B3GLCT: variants seen among roughly 807,000 people sequenced by gnomAD.
B3GLCT encodes beta-1,3-glucosyltransferase.
In B3GLCT, 65 loss-of-function variants were observed where a neutral mutation model predicts 63.4. That is an observed-to-expected ratio of 1.03 (90% CI 0.84 to 1.26). The LOEUF (loss-of-function observed/expected upper bound fraction) is 1.26, where lower values mean the gene tolerates loss of function less well. B3GLCT is among the 50% of genes most tolerant of loss of function. The pLI is 0.00. For missense variants in B3GLCT, 577 were observed against 604.8 expected, an observed-to-expected ratio of 0.95 and a Z score of 0.48; for synonymous variants, 233 against 219.2, an observed-to-expected ratio of 1.06 and a Z score of -0.55.
chr13:31,326,353 G>A (rs1460419706), intron 14 of B3GLCT, among the ~76,000 whole-genome samples: 2 of 128,636 alleles, frequency 1.6e-5, no homozygotes, highest in Non-Finnish European at 1.6e-5. Context: ...GCATGATCTC[G>A]GCTCACTGCA....
chr13:31,260,616 G>A (rs984548911), intron 6 of B3GLCT: 10 of 258,182 alleles, frequency 3.9e-5, no homozygotes, highest in Non-Finnish European at 6.0e-5. Context: ...TAGGGTATAA[G>A]GGCATACTAT....
intron 1 of B3GLCT, among the ~76,000 whole-genome samples, chr13:31,213,518 T>C (rs1450528254): frequency 6.6e-6 from 1 of 150,888 alleles, no homozygotes; most frequent in Non-Finnish European, 1.5e-5. Flanking sequence ...AGCCCAGGAA[T>C]GAAGGTTGCA....
At position 31,317,695 on chromosome 13, in the gene B3GLCT, A is replaced by G. The variant is rs775791509; in HGVS notation, c.1184+10A>G. ...TCACGGGAGGAGGAGGGTAACTATG[A>G]TCACAGCTTTCTTCAACTACTTTAA... On this transcript the variant is annotated intron_variant, in intron 13 of 14. Coordinates refer to ENST00000343307, the MANE Select transcript of B3GLCT (RefSeq NM_194318.4). 8.1e-6 allele frequency: 13 copies of G among 1,613,918 alleles called. No individual in the cohort carries two copies. Among genetic ancestry groups the G allele is most frequent in the South Asian group, 3.3e-5 (3 of 91,080 alleles).
intron 1 of B3GLCT, among the ~76,000 whole-genome samples, chr13:31,205,764 G>A (rs547785465): frequency 1.3e-5 from 2 of 152,306 alleles, no homozygotes; most frequent in African/African-American, 4.8e-5. Flanking sequence ...TACTCAAAAT[G>A]TGTATATACC....
At chr13:31,232,653 A>G (rs1045905768) in intron 4 of B3GLCT, among the ~76,000 whole-genome samples, 2 of 152,154 alleles carry the variant, frequency 1.3e-5, no homozygotes, top group African/African-American at 4.8e-5. Context: ...GGCTTTGTAT[A>G]TTGTAGATCC....
chr13:31,269,255 T>G lies in B3GLCT; in HGVS notation c.638T>G (p.Phe213Cys). Residue 213 changes from phenylalanine to cysteine, a missense_variant, in exon 8 of 15, where the codon TTT becomes TGT. Physicochemically the swap from Phe to Cys is radical, Grantham distance 205 (BLOSUM62 -2). Transcript: ENST00000343307. Reference protein sequence around the residue: ...RLKSESLKSDFTIDLKHEIAL... With the variant: ...RLKSESLKSDCTIDLKHEIAL... ...AAGAGTGAATCCTTGAAATCCGACTTTACAATAGATTTAAAACATGAGGTA... is the reference window on the plus strand; with the variant it reads ...AAGAGTGAATCCTTGAAATCCGACTGTACAATAGATTTAAAACATGAGGTA... 3.1e-6 allele frequency: 5 copies of G among 1,607,516 alleles called. No individual in the cohort carries two copies. Among genetic ancestry groups the G allele is most frequent in the Non-Finnish European group, 4.3e-6 (5 of 1,174,278 alleles).
chr13:31,222,852 A>G, intron 2 of B3GLCT, 100 bp from the exon 3 acceptor site: 1 of 823,928 alleles, frequency 1.2e-6, no homozygotes, highest in Non-Finnish European at 2.1e-6. Flanking sequence ...TCTTCCTCCC[A>G]TGTGCTGATA....
chr13:31,265,377 A>G (rs1872241305), intron 7 of B3GLCT, among the ~76,000 whole-genome samples: 1 of 152,182 alleles, frequency 6.6e-6, no homozygotes, highest in South Asian at 2.1e-4. Flanking sequence ...TATATAGACA[A>G]CCAAGAAGGC....
At position 31,200,075 on chromosome 13, in the gene B3GLCT, C is replaced by A; in HGVS notation, c.-10C>A. ...GCGCCCAGGTAGGGCGCTCAGCCTCCGCCGCCAGGATGCGGCCGCCCGCCT... is the reference window on the plus strand; with the variant it reads ...GCGCCCAGGTAGGGCGCTCAGCCTCAGCCGCCAGGATGCGGCCGCCCGCCT... On this transcript the variant is annotated 5_prime_UTR_variant, in exon 1 of 15. Coordinates refer to ENST00000343307, the MANE Select transcript of B3GLCT (RefSeq NM_194318.4). 1 of 1,367,026 alleles carries A rather than the reference C, an allele frequency of 7.3e-7. No individual in the cohort carries two copies. The highest frequency in any genetic ancestry group is 9.5e-7 in the Non-Finnish European group (1 of 1,049,478). 84.7% of individuals were successfully genotyped at this position (1,367,026 alleles called of 1,614,324 possible). A position where few individuals can be genotyped will look rare whatever the true frequency, so the allele number is the denominator to read the frequency against.
At chr13:31,312,810 A>G (rs1874789060) in intron 12 of B3GLCT, 1 of 152,278 alleles carries the variant, frequency 6.6e-6, no homozygotes, top group African/African-American at 2.4e-5. Context: ...ATTGGCAACT[A>G]AACTAAACAA....
intron 12 of B3GLCT, chr13:31,312,248 T>C (rs1248736082): frequency 6.6e-6 from 1 of 152,224 alleles, no homozygotes; most frequent in South Asian, 2.1e-4. Flanking sequence ...AGAGTCTTTA[T>C]TGATCAAGTA....
In B3GLCT at chr13:31,212,535, A is replaced by T. The variant is rs138682033; in HGVS notation, c.71-2516A>T. Among the ~76,000 whole-genome samples the T allele has an allele frequency of 6.1e-3, 921 of 152,106 alleles. 10 individuals carry two copies. Among genetic ancestry groups the T allele is most frequent in the African/African-American group, 0.021 (878 of 41,488 alleles). ...TGATCCGCCCACCTCGGCCTCCCAA[A>T]GTGCTGGGATTACAGGCGTGGGCCA... On this transcript the variant is annotated intron_variant, in intron 1 of 14. Coordinates refer to ENST00000343307, the MANE Select transcript of B3GLCT (RefSeq NM_194318.4).
chr13:31,253,457 G>C (rs990782834), intron 6 of B3GLCT, among the ~76,000 whole-genome samples: 4 of 151,840 alleles, frequency 2.6e-5, no homozygotes, highest in African/African-American at 9.7e-5. Flanking sequence ...GCTGGGCGTG[G>C]TGGCGGGTGC....
At chr13:31,318,435 C>G (rs1875165265) in intron 13 of B3GLCT, among the ~76,000 whole-genome samples, 1 of 152,158 alleles carries the variant, frequency 6.6e-6, no homozygotes, top group Non-Finnish European at 1.5e-5. Context: ...GGAACAATTC[C>G]TACAGGAACC....
intron 12 of B3GLCT, among the ~76,000 whole-genome samples, chr13:31,293,424 G>A (rs1473662571): frequency 6.6e-6 from 1 of 152,090 alleles, no homozygotes; most frequent in Admixed American, 6.5e-5. Context: ...CACTATTATT[G>A]TGTGGGAGTC....
chr13:31,269,805 G>A (rs1375566283), intron 8 of B3GLCT, among the ~76,000 whole-genome samples: 1 of 152,146 alleles, frequency 6.6e-6, no homozygotes, highest in East Asian at 1.9e-4. Flanking sequence ...TGCCATGTGA[G>A]GATACAGCTA....
chr13:31,252,362 A>G (rs575918811), intron 6 of B3GLCT, among the ~76,000 whole-genome samples: 1 of 152,368 alleles, frequency 6.6e-6, no homozygotes, highest in South Asian at 2.1e-4. Flanking sequence ...AGATTTACAC[A>G]TAACAATATT....
At chr13:31,228,711 T>C (rs1240443531) in intron 3 of B3GLCT, among the ~76,000 whole-genome samples, 1 of 152,260 alleles carries the variant, frequency 6.6e-6, no homozygotes, top group Non-Finnish European at 1.5e-5. Flanking sequence ...GACCCAATTC[T>C]AAATGAAGTC....
chr13:31,232,758 G>C (rs982835804), intron 4 of B3GLCT, among the ~76,000 whole-genome samples: 5 of 152,154 alleles, frequency 3.3e-5, no homozygotes, highest in African/African-American at 1.2e-4. Flanking sequence ...TTCCACTTTT[G>C]TATCTTGGAC....
Sources: gnomAD v4.1 joint callset for allele counts (sites outside exome capture counted in the v4.1 genomes callset) on GRCh38, gnomAD v4.1.1 for gene constraint, MANE v1.5 for transcripts, NCBI Gene and HGNC (gene_info 2026-07-23, HGNC 2026-07-21) for gene names.